The following DLG2 variants were observed in gnomAD, a reference collection of about 807,000 sequenced individuals.
DLG2 encodes the protein discs large MAGUK scaffold protein 2.
DLG2 carries 45 observed loss-of-function variants against 132.5 expected under a neutral mutation model. The observed-to-expected ratio is 0.34, with a 90% confidence interval of 0.27 to 0.44. The LOEUF (loss-of-function observed/expected upper bound fraction) is 0.44, where lower values mean the gene tolerates loss of function less well. Ranked by LOEUF, DLG2 falls within the 20% of genes least tolerant of loss-of-function variation. DLG2 has a pLI of 1.00. For missense variants in DLG2, 1,045 were observed against 1,196.9 expected (o/e 0.87, Z 1.87); for synonymous variants, 424 against 419.6 (o/e 1.01, Z -0.13).
intron 15 of DLG2, among the ~76,000 whole-genome samples, chr11:83,916,062 G>A (rs112009548): frequency 2.1e-3 from 314 of 152,170 alleles, no homozygotes; most frequent in Middle Eastern, 6.8e-3. Context: ...TGCGTAACAC[G>A]TATCAGTACT....
Position 84,390,276 on chromosome 11 carries a change from T to A in DLG2, c.520-138985A>T, listed in dbSNP as rs150726465. 2.9e-3 allele frequency among the ~76,000 whole-genome samples: 441 copies of A among 152,282 alleles called. 2 individuals carry two copies. The highest frequency in any genetic ancestry group is 9.5e-3 in the African/African-American group (394 of 41,570). On this transcript the variant is annotated intron_variant, in intron 7 of 27. Coordinates refer to ENST00000376104, the MANE Select transcript of DLG2 (RefSeq NM_001142699.3). The stretch of plus-strand genomic sequence containing the variant: ...CTTAGTGAATTATGAGTTCCCCTGA[T>A]AATAGAGTCCACTGGTAATTATTTA...
intron 12 of DLG2, among the ~76,000 whole-genome samples, chr11:83,972,402 G>A (rs12804617): frequency 0.043 from 6,613 of 152,138 alleles, 198 homozygotes; most frequent in Non-Finnish European, 0.067. Flanking sequence ...AGTAGCATAC[G>A]AATAGAAATC....
At chr11:85,424,681 A>G (rs1411411827) in intron 3 of DLG2, among the ~76,000 whole-genome samples, 2 of 152,320 alleles carry the variant, frequency 1.3e-5, no homozygotes, top group Admixed American at 6.5e-5. Flanking sequence ...AACTTCAGAG[A>G]GGTTAAGTAA....
intron 12 of DLG2, among the ~76,000 whole-genome samples, chr11:83,971,486 A>C (rs1221026497): frequency 6.6e-6 from 1 of 152,166 alleles, no homozygotes; most frequent in Non-Finnish European, 1.5e-5. Context: ...CATAAATGTA[A>C]TAATACAAAG....
chr11:83,872,545 GA>G (rs1829613238), intron 16 of DLG2, among the ~76,000 whole-genome samples: 1 of 152,158 alleles, frequency 6.6e-6, no homozygotes, highest in Non-Finnish European at 1.5e-5. Flanking sequence ...CTGGTGTTTT[GA>G]AGTTAGGGTA....
chr11:85,536,110 G>A (rs1458683726), intron 3 of DLG2, among the ~76,000 whole-genome samples: 1 of 151,546 alleles, frequency 6.6e-6, no homozygotes, highest in Non-Finnish European at 1.5e-5. Flanking sequence ...CAGCTACTTG[G>A]GAGGCTTTGG....
chr11:84,354,639 C>T (rs905042371), intron 7 of DLG2, among the ~76,000 whole-genome samples: 78 of 152,058 alleles, frequency 5.1e-4, no homozygotes, highest in South Asian at 2.1e-4. Context: ...GAATTAAACT[C>T]GAGACCTTAG....
At chr11:84,252,140 CTTTTTTT>C (rs1176873990) in intron 7 of DLG2, among the ~76,000 whole-genome samples, 4 of 65,352 alleles carry the variant, frequency 6.1e-5, no homozygotes, top group East Asian at 9.3e-4. Context: ...TTCTTTCTTT[CTTTTTTT>C]TTTTTTTTTT....
chr11:84,655,724 GTTTT>G (rs1329100882), intron 6 of DLG2, among the ~76,000 whole-genome samples: 6 of 134,534 alleles, frequency 4.5e-5, no homozygotes, highest in Non-Finnish European at 8.1e-5. Context: ...ACTGTACTTT[GTTTT>G]TTTTTGTTTG....
chr11:84,833,236 T>A (rs545552755), intron 6 of DLG2, among the ~76,000 whole-genome samples: 1 of 151,596 alleles, frequency 6.6e-6, no homozygotes, highest in South Asian at 2.1e-4. Context: ...CCCAACAACC[T>A]GAAACTACTG....
At chr11:83,817,315 T>C (rs1397516583) in intron 17 of DLG2, among the ~76,000 whole-genome samples, 1 of 152,066 alleles carries the variant, frequency 6.6e-6, no homozygotes, top group Non-Finnish European at 1.5e-5. Flanking sequence ...TATAACAATC[T>C]AAGATTTGAA....
At chr11:83,508,319 C>T (rs1033402367) in intron 21 of DLG2, among the ~76,000 whole-genome samples, 1 of 150,250 alleles carries the variant, frequency 6.7e-6, no homozygotes, top group Non-Finnish European at 1.5e-5. Context: ...TCACTGCAAA[C>T]TCTGCCTCCC....
chr11:84,842,227 A>G (rs2080789808), intron 6 of DLG2, among the ~76,000 whole-genome samples: 1 of 152,030 alleles, frequency 6.6e-6, no homozygotes, highest in Non-Finnish European at 1.5e-5. Flanking sequence ...TATAAACCAG[A>G]CATTATTCAA....
intron 7 of DLG2, among the ~76,000 whole-genome samples, chr11:84,466,424 G>A (rs2099094558): frequency 6.6e-6 from 1 of 151,190 alleles, no homozygotes; most frequent in Non-Finnish European, 1.5e-5. Context: ...AATATAGAAA[G>A]AGCCTCCAGA....
intron 7 of DLG2, among the ~76,000 whole-genome samples, chr11:84,481,146 G>A (rs146092598): frequency 2.3e-4 from 35 of 152,168 alleles, no homozygotes; most frequent in African/African-American, 5.3e-4. Flanking sequence ...TACTGTTAGC[G>A]CTCAATGAAC....
intron 3 of DLG2, among the ~76,000 whole-genome samples, chr11:85,323,140 G>C (rs2152828181): frequency 6.6e-6 from 1 of 152,298 alleles, no homozygotes; most frequent in South Asian, 2.1e-4. Flanking sequence ...ACTGTGAGGA[G>C]CTGGAGGAAA....
intron 7 of DLG2, among the ~76,000 whole-genome samples, chr11:84,256,963 G>A (rs1443568432): frequency 1.3e-5 from 2 of 152,122 alleles, no homozygotes; most frequent in Non-Finnish European, 2.9e-5. Flanking sequence ...GATTTCCATC[G>A]GGATGAGCCC....
At chr11:85,415,221 G>A (rs1201252590) in intron 3 of DLG2, among the ~76,000 whole-genome samples, 1 of 152,116 alleles carries the variant, frequency 6.6e-6, no homozygotes, top group Non-Finnish European at 1.5e-5. Context: ...AGTATTCCAT[G>A]GCATATATGT....
chr11:84,532,830 T>A (rs1455038237), intron 7 of DLG2, among the ~76,000 whole-genome samples: 1 of 152,124 alleles, frequency 6.6e-6, no homozygotes, highest in Non-Finnish European at 1.5e-5. Context: ...TTCAACCAGT[T>A]TGAAAGAATA....
Sources: gnomAD v4.1 joint callset for allele counts (sites outside exome capture counted in the v4.1 genomes callset) on GRCh38, gnomAD v4.1.1 for gene constraint, MANE v1.5 for transcripts, NCBI Gene and HGNC (gene_info 2026-07-23, HGNC 2026-07-21) for gene names.